Variants in GRIK1 observed in about 807,000 individuals in gnomAD.
GRIK1 encodes the protein glutamate receptor ionotropic, kainate 1.
In GRIK1, 69 loss-of-function variants were observed where a neutral mutation model predicts 105.7. The observed-to-expected ratio is 0.65, with a 90% CI of 0.54 to 0.80. The LOEUF is 0.80. GRIK1 is among the 30% of genes least tolerant of loss of function. The pLI, the probability that GRIK1 is intolerant of heterozygous loss-of-function variation, is 0.00. For missense variants in GRIK1, 1,109 were observed against 1,167.3 expected, an observed-to-expected ratio of 0.95 and a Z score of 0.73; for synonymous variants, 438 against 431.3, an observed-to-expected ratio of 1.02 and a Z score of -0.19.
chr21:29,570,894 A>G (rs1242978597), intron 14 of GRIK1, among the ~76,000 whole-genome samples: 2 of 148,738 alleles, frequency 1.3e-5, no homozygotes, highest in Non-Finnish European at 3.0e-5. Context: ...GATGTCCATT[A>G]AAGTTTCACA....
At chr21:29,913,691 A>G (rs1014983010) in intron 1 of GRIK1, among the ~76,000 whole-genome samples, 1 of 150,660 alleles carries the variant, frequency 6.6e-6, no homozygotes, top group Non-Finnish European at 1.5e-5. Flanking sequence ...ATATATATAT[A>G]TATTTGTAGA....
chr21:29,695,513 T>C (rs2186304), intron 1 of GRIK1, among the ~76,000 whole-genome samples: 27,578 of 151,788 alleles, frequency 0.18, 5,061 homozygotes, highest in African/African-American at 0.46. Flanking sequence ...CTTGCTCTGT[T>C]GCCCAGGCTG....
chr21:29,871,747 G>A (rs1303525447), intron 1 of GRIK1, among the ~76,000 whole-genome samples: 1 of 147,148 alleles, frequency 6.8e-6, no homozygotes, highest in Non-Finnish European at 1.5e-5. Context: ...ACTACCAAAA[G>A]CCAATCTTTT....
intron 7 of GRIK1, among the ~76,000 whole-genome samples, chr21:29,617,823 C>A (rs1046461734): frequency 2.0e-5 from 3 of 152,158 alleles, no homozygotes; most frequent in African/African-American, 7.2e-5. Context: ...GCCTTCTGGG[C>A]TGCTATTGTA....
chr21:29,781,657 CTTTTTTT>C (rs71191125), intron 1 of GRIK1, among the ~76,000 whole-genome samples: 2 of 69,274 alleles, frequency 2.9e-5, no homozygotes, highest in Admixed American at 2.4e-4. Flanking sequence ...CCTACTGTTT[CTTTTTTT>C]TTTTTTTTTT....
intron 7 of GRIK1, 85 bp from the exon 8 acceptor site, chr21:29,599,022 A>G: frequency 1.5e-6 from 1 of 654,606 alleles, no homozygotes; most frequent in Non-Finnish European, 2.7e-6. Context: ...CCTCAAATTC[A>G]TCACAGTATC....
intron 1 of GRIK1, among the ~76,000 whole-genome samples, chr21:29,848,780 T>TATATATATATA (rs1255846155): frequency 6.0e-4 from 17 of 28,422 alleles, no homozygotes; most frequent in African/African-American, 1.1e-3. Context: ...TATATATATA[T>TATATATATATA]TTTTTTTTTT....
rs188223528 is a variant in GRIK1, at chr21:29,895,736, T to C, written c.118+43647A>G. On this transcript the variant is annotated intron_variant, in intron 1 of 17. Transcript: ENST00000327783. ...ATGCAGGACAGTATCATCATTAGTA[T>C]GGATTTTGGAATCAGACGTATAAGA... Among the ~76,000 whole-genome samples the C allele has an allele frequency of 5.9e-5, 9 of 152,346 alleles. No individual in the cohort carries two copies. In the East Asian group the frequency reaches 1.7e-3, roughly 29 times the overall value.
intron 2 of GRIK1, among the ~76,000 whole-genome samples, chr21:29,691,619 C>T (rs977671258): frequency 6.6e-6 from 1 of 152,170 alleles, no homozygotes; most frequent in Non-Finnish European, 1.5e-5. Context: ...CTTAAACACA[C>T]TTTCAAATTT....
chr21:29,722,856 A>C (rs1457110854), intron 1 of GRIK1, among the ~76,000 whole-genome samples: 1 of 152,244 alleles, frequency 6.6e-6, no homozygotes, highest in Non-Finnish European at 1.5e-5. Context: ...TAAGAAACTA[A>C]AATCAAGATT....
rs116284373 is a variant in GRIK1 at position 29,584,358 on chromosome 21, G to A, written c.1794-2815C>T. On this transcript the variant is annotated intron_variant, in intron 12 of 17. Transcript: ENST00000327783. ...TAAAAATGTCCATTTTTAAGAAGAC[G>A]AACATAAATGATAAAATGTAAGCAG... Among the ~76,000 whole-genome samples, 1,295 of 152,006 alleles carry A rather than the reference G, an allele frequency of 8.5e-3. 19 individuals carry two copies. The highest frequency in any genetic ancestry group is 0.03 in the African/African-American group (1,232 of 41,462).
intron 1 of GRIK1, among the ~76,000 whole-genome samples, chr21:29,905,664 T>C (rs1419626036): frequency 3.2e-5 from 4 of 124,582 alleles, no homozygotes; most frequent in African/African-American, 1.3e-4. Flanking sequence ...TCTCGCTCTG[T>C]CGCCCAGGCT....
At chr21:29,888,665 AT>A (rs985250542) in intron 1 of GRIK1, among the ~76,000 whole-genome samples, 2 of 152,164 alleles carry the variant, frequency 1.3e-5, no homozygotes, top group African/African-American at 4.8e-5. Flanking sequence ...TCTAAATCCA[AT>A]AACAGTCAAC....
chr21:29,605,089 C>T (rs1318585579), intron 7 of GRIK1, among the ~76,000 whole-genome samples: 1 of 151,956 alleles, frequency 6.6e-6, no homozygotes, highest in Non-Finnish European at 1.5e-5. Flanking sequence ...ATCAGGGGTA[C>T]ATGTGCGGAT....
chr21:29,850,166 TA>T (rs1478108709), intron 1 of GRIK1, among the ~76,000 whole-genome samples: 2 of 152,230 alleles, frequency 1.3e-5, no homozygotes, highest in African/African-American at 4.8e-5. Context: ...AGAAGATCCT[TA>T]AAAACTATCT....
At chr21:29,829,179 A>G (rs148826929) in intron 1 of GRIK1, among the ~76,000 whole-genome samples, 194 of 152,266 alleles carry the variant, frequency 1.3e-3, no homozygotes, top group Non-Finnish European at 2.3e-3. Context: ...GCATTAGTAA[A>G]TATCTCACCA....
intron 1 of GRIK1, among the ~76,000 whole-genome samples, chr21:29,913,113 GAATTCCAGTCC>G (rs1482816419): frequency 3.8e-4 from 58 of 152,124 alleles, no homozygotes; most frequent in Middle Eastern, 3.4e-3. Flanking sequence ...TTTCAACATT[GAATTCCAGTCC>G]AAAGCACCTG....
intron 15 of GRIK1, among the ~76,000 whole-genome samples, chr21:29,561,288 G>A (rs1411358508): frequency 6.6e-6 from 1 of 152,010 alleles, no homozygotes. Flanking sequence ...ACATTATATA[G>A]GCATATATGG....
At chr21:29,637,603 C>A (rs1283472577) in intron 7 of GRIK1, among the ~76,000 whole-genome samples, 1 of 152,198 alleles carries the variant, frequency 6.6e-6, no homozygotes, top group Non-Finnish European at 1.5e-5. Flanking sequence ...TTGCCCCTTT[C>A]ACCATGTGAG....
Sources: allele counts gnomAD v4.1 joint callset (sites outside exome capture counted in the v4.1 genomes callset), GRCh38; gene constraint gnomAD v4.1.1; transcripts MANE v1.5; gene names NCBI Gene and HGNC (gene_info 2026-07-23, HGNC 2026-07-21).